ZNF536: variants seen among roughly 807,000 people sequenced by gnomAD.
The protein encoded by ZNF536 is zinc finger protein 536.
A neutral mutation model predicts 84.5 loss-of-function variants in ZNF536; 13 were observed. The observed-to-expected ratio is 0.15, with a 90% CI of 0.10 to 0.24. The LOEUF is 0.24. ZNF536 is among the 10% of genes least tolerant of loss of function. The pLI, the probability that ZNF536 is intolerant of heterozygous loss-of-function variation, is 1.00. For synonymous variants in ZNF536, 811 were observed against 742.5 expected, an observed-to-expected ratio of 1.09 and a Z score of -1.50; for missense variants, 1,536 against 1,747.5, an observed-to-expected ratio of 0.88 and a Z score of 2.16.
chr19:30,610,313 T>C (rs901859773), intron 1 of ZNF536, among the ~76,000 whole-genome samples: 2 of 152,158 alleles, frequency 1.3e-5, no homozygotes, highest in African/African-American at 4.8e-5. Context: ...GCAACCATAT[T>C]TCCATCTGGC....
At chr19:30,238,580 G>A (rs2023713893) in intron 1 of ZNF536, among the ~76,000 whole-genome samples, 1 of 151,844 alleles carries the variant, frequency 6.6e-6, no homozygotes, top group African/African-American at 2.4e-5. Context: ...AGATCACAAG[G>A]AGGTCCCTTC....
chr19:30,404,785 A>G (rs970276537), intron 1 of ZNF536, among the ~76,000 whole-genome samples: 15 of 152,048 alleles, frequency 9.9e-5, no homozygotes, highest in South Asian at 6.2e-4. Flanking sequence ...GGTGTCCCCA[A>G]TTCAATTCTG....
chr19:30,401,231 A>AT (rs992351583), intron 1 of ZNF536, among the ~76,000 whole-genome samples: 7 of 151,424 alleles, frequency 4.6e-5, no homozygotes, highest in African/African-American at 1.7e-4. Flanking sequence ...TGATCTATCT[A>AT]TTTTTTTTCT....
At chr19:30,495,602 C>T (rs905703422) in intron 2 of ZNF536, among the ~76,000 whole-genome samples, 2 of 152,176 alleles carry the variant, frequency 1.3e-5, no homozygotes, top group African/African-American at 4.8e-5. Context: ...ACACATGGAG[C>T]GTAGGCCCAC....
chr19:30,413,240 G>T (rs1568404508), intron 1 of ZNF536, among the ~76,000 whole-genome samples: 1 of 152,006 alleles, frequency 6.6e-6, no homozygotes. Context: ...TTATTTTTAT[G>T]AATCCCTTCT....
Position 30,273,713 on chromosome 19 carries a change from C to T in ZNF536, c.-189-10359C>T, listed in dbSNP as rs1429079668. On this transcript the variant is annotated intron_variant, in intron 1 of 5. Coordinates refer to the ZNF536 transcript ENST00000585628. The stretch of plus-strand genomic sequence containing the variant: ...TCTTTTCATTCTCTTAACCCTTTCT[C>T]TTCTTAACACTTGTGGAAACTAAGC... 6.6e-5 allele frequency among the ~76,000 whole-genome samples: 10 copies of T among 152,224 alleles called. No homozygotes were observed. In the East Asian group the frequency reaches 1.7e-3, roughly 26 times the overall value.
At chr19:30,688,710 A>T (rs9636163) in intron 1 of ZNF536, among the ~76,000 whole-genome samples, 30,558 of 152,092 alleles carry the variant, frequency 0.2, 3,143 homozygotes, top group African/African-American at 0.23. Context: ...ACCCCCACTT[A>T]ATACTGATGG....
chr19:30,599,516 T>C (rs984627883), intron 1 of ZNF536, among the ~76,000 whole-genome samples: 2 of 86,974 alleles, frequency 2.3e-5, no homozygotes, highest in African/African-American at 8.5e-5. Context: ...CCTTTCTACC[T>C]TCCTTCCCTC....
chr19:30,576,480 C>G (rs1201110922), intron 1 of ZNF536, among the ~76,000 whole-genome samples: 2 of 152,212 alleles, frequency 1.3e-5, no homozygotes, highest in African/African-American at 2.4e-5. Flanking sequence ...AATCTTTTCC[C>G]TCTGTCTTCT....
intron 2 of ZNF536, among the ~76,000 whole-genome samples, chr19:30,308,319 A>C (rs1323707563): frequency 1.3e-5 from 2 of 151,940 alleles, no homozygotes; most frequent in African/African-American, 2.4e-5. Flanking sequence ...TTTTAGGGGG[A>C]CTTGGCGCTT....
chr19:30,606,247 TA>T (rs2047877383), intron 1 of ZNF536, among the ~76,000 whole-genome samples: 1 of 22,808 alleles, frequency 4.4e-5, no homozygotes, highest in Non-Finnish European at 7.5e-5. Context: ...TAAAATAAAA[TA>T]AAATAAATAA....
intron 2 of ZNF536, among the ~76,000 whole-genome samples, chr19:30,461,877 C>T (rs1020806884): frequency 5.3e-5 from 8 of 152,064 alleles, no homozygotes; most frequent in Non-Finnish European, 1.0e-4. Flanking sequence ...CTGGCACCGC[C>T]GGTGCTGCCT....
At chr19:30,593,102 G>T (rs572538424) in intron 1 of ZNF536, among the ~76,000 whole-genome samples, 1 of 152,296 alleles carries the variant, frequency 6.6e-6, no homozygotes, top group African/African-American at 2.4e-5. Context: ...GAGAGGAGAG[G>T]CTGTGTGAAA....
chr19:30,601,689 G>A (rs905560806), intron 1 of ZNF536, among the ~76,000 whole-genome samples: 4 of 152,150 alleles, frequency 2.6e-5, no homozygotes, highest in African/African-American at 9.7e-5. Flanking sequence ...CTCAGACCTA[G>A]CAGCAAGAGG....
At chr19:30,651,124 G>A (rs996767457) in intron 1 of ZNF536, among the ~76,000 whole-genome samples, 6 of 152,334 alleles carry the variant, frequency 3.9e-5, no homozygotes, top group Non-Finnish European at 5.9e-5. Flanking sequence ...CCGGGATAAG[G>A]TTGGGAGTTG....
At chr19:30,326,791 CTTTTTTTTTTTTT>C (rs869076590) in intron 2 of ZNF536, among the ~76,000 whole-genome samples, 7 of 51,974 alleles carry the variant, frequency 1.3e-4, no homozygotes, top group East Asian at 7.2e-4. Context: ...TTATAAAAAG[CTTTTTTTTTTTTT>C]TTTTTTTTTT....
intron 1 of ZNF536, among the ~76,000 whole-genome samples, chr19:30,630,374 C>G (rs142004958): frequency 2.2e-4 from 34 of 151,756 alleles, no homozygotes; most frequent in Admixed American, 7.2e-4. Flanking sequence ...TAAAGCAACC[C>G]AATCCTCATT....
intron 1 of ZNF536, among the ~76,000 whole-genome samples, chr19:30,395,730 G>T (rs2049789756): frequency 6.6e-6 from 1 of 152,146 alleles, no homozygotes; most frequent in African/African-American, 2.4e-5. Context: ...TTTTTGTTTA[G>T]TAAGGACTTT....
downstream of ZNF536, among the ~76,000 whole-genome samples, chr19:30,562,286 A>T (rs934451052): frequency 1.3e-5 from 2 of 151,954 alleles, no homozygotes; most frequent in African/African-American, 4.8e-5. Context: ...GGCCCCTGGG[A>T]TATGTTCTGG....
Sources: allele counts gnomAD v4.1 joint callset (sites outside exome capture counted in the v4.1 genomes callset), GRCh38; gene constraint gnomAD v4.1.1; transcripts MANE v1.5; gene names NCBI Gene and HGNC (gene_info 2026-07-23, HGNC 2026-07-21).